Variants in KSR2 observed in about 807,000 individuals in gnomAD.
KSR2 encodes kinase suppressor of ras 2.
Under a neutral mutation model 107.8 loss-of-function variants are expected in KSR2, and 25 were observed. The observed-to-expected ratio is 0.23, with a 90% CI of 0.17 to 0.32. KSR2 has a LOEUF of 0.32. KSR2 is among the 10% of genes least tolerant of loss of function. The pLI is 1.00. For synonymous variants in KSR2, 480 were observed against 507.0 expected (o/e 0.95, Z 0.71); for missense variants, 887 against 1,268.9 (o/e 0.70, Z 4.57).
intron 1 of KSR2, among the ~76,000 whole-genome samples, chr12:117,869,683 C>G (rs1893588967): frequency 6.6e-6 from 1 of 152,252 alleles, no homozygotes; most frequent in Admixed American, 6.5e-5. Context: ...CCCGTTAGTT[C>G]GTACAGATCT....
intron 14 of KSR2, among the ~76,000 whole-genome samples, chr12:117,495,354 G>C (rs1407648583): frequency 6.6e-6 from 1 of 152,162 alleles, no homozygotes; most frequent in African/African-American, 2.4e-5. Flanking sequence ...ATTAAACCTT[G>C]GGACTCTGGG....
At chr12:117,625,427 T>C (rs1371476432) in intron 5 of KSR2, among the ~76,000 whole-genome samples, 1 of 152,206 alleles carries the variant, frequency 6.6e-6, no homozygotes, top group East Asian at 1.9e-4. Flanking sequence ...TGTTGAATTT[T>C]GTCAAAGGCC....
intron 1 of KSR2, among the ~76,000 whole-genome samples, chr12:117,924,803 A>G (rs1895460056): frequency 6.6e-6 from 1 of 152,160 alleles, no homozygotes; most frequent in Non-Finnish European, 1.5e-5. Context: ...TCCCAATTCA[A>G]ACAAGTCAAC....
intron 3 of KSR2, among the ~76,000 whole-genome samples, chr12:117,793,694 T>A (rs1181333465): frequency 1.7e-5 from 2 of 115,796 alleles, no homozygotes; most frequent in Non-Finnish European, 3.5e-5. Flanking sequence ...CATGCACACA[T>A]ACAACATGCA....
intron 3 of KSR2, among the ~76,000 whole-genome samples, chr12:117,829,643 C>T (rs1414135347): frequency 2.0e-5 from 3 of 152,196 alleles, no homozygotes; most frequent in Non-Finnish European, 4.4e-5. Flanking sequence ...CAGAGGTCTA[C>T]AAACATTTTC....
chr12:117,610,824 G>A (rs10444488), intron 5 of KSR2, among the ~76,000 whole-genome samples: 121,940 of 151,054 alleles, frequency 0.81, 49,451 homozygotes, highest in East Asian at 0.97. Flanking sequence ...AGGTAGGTAG[G>A]TAGAGACAGA....
chr12:117,493,353 TAG>T (rs2137159997), intron 14 of KSR2, among the ~76,000 whole-genome samples: 1 of 152,248 alleles, frequency 6.6e-6, no homozygotes, highest in East Asian at 1.9e-4. Context: ...ACTCTCTGGA[TAG>T]AGAGTCTCCC....
At chr12:117,923,478 G>C (rs1188085915) in intron 1 of KSR2, among the ~76,000 whole-genome samples, 1 of 152,094 alleles carries the variant, frequency 6.6e-6, no homozygotes, top group Non-Finnish European at 1.5e-5. Flanking sequence ...CTTGAGGCCA[G>C]GAGTTCAAGA....
intron 5 of KSR2, among the ~76,000 whole-genome samples, chr12:117,645,808 A>T (rs1488749517): frequency 6.6e-6 from 1 of 151,850 alleles, no homozygotes; most frequent in Non-Finnish European, 1.5e-5. Context: ...AACTCTTCTT[A>T]CAATTCCGAA....
At chr12:117,663,130 G>A (rs536969320) in intron 5 of KSR2, among the ~76,000 whole-genome samples, 8 of 152,312 alleles carry the variant, frequency 5.3e-5, no homozygotes, top group African/African-American at 1.2e-4. Context: ...CACTCCCTCC[G>A]TGATGCAAGG....
chr12:117,743,663 A>C (rs970347861), intron 4 of KSR2, among the ~76,000 whole-genome samples: 1 of 152,164 alleles, frequency 6.6e-6, no homozygotes. Context: ...CATTTTTCCA[A>C]GGAAATTTGG....
At chr12:117,923,594 G>A (rs945579281) in intron 1 of KSR2, among the ~76,000 whole-genome samples, 11 of 152,120 alleles carry the variant, frequency 7.2e-5, no homozygotes, top group Non-Finnish European at 1.2e-4. Context: ...GAGCCCAGGA[G>A]GTCAAGGATA....
chr12:117,548,349 C>G (rs1877033193), intron 9 of KSR2, among the ~76,000 whole-genome samples: 2 of 152,138 alleles, frequency 1.3e-5, no homozygotes, highest in Admixed American at 1.3e-4. Flanking sequence ...TTTTCCTCAG[C>G]CTACTCAACA....
intron 4 of KSR2, among the ~76,000 whole-genome samples, chr12:117,731,142 C>T (rs12297507): frequency 0.013 from 1,881 of 141,140 alleles, 37 homozygotes; most frequent in African/African-American, 0.048. Context: ...AGGTGAGGAG[C>T]GTCTCTGCCC....
chr12:117,675,591 C>T (rs542191535), intron 4 of KSR2, among the ~76,000 whole-genome samples: 1 of 152,348 alleles, frequency 6.6e-6, no homozygotes, highest in Non-Finnish European at 1.5e-5. Flanking sequence ...TCACAGAGAT[C>T]GTCAAGGGAA....
intron 1 of KSR2, among the ~76,000 whole-genome samples, chr12:117,901,658 C>A (rs1056890622): frequency 6.6e-6 from 1 of 152,086 alleles, no homozygotes; most frequent in Non-Finnish European, 1.5e-5. Flanking sequence ...TTATGACAAA[C>A]AAAGTATTCA....
intron 5 of KSR2, among the ~76,000 whole-genome samples, chr12:117,627,846 C>T (rs1034469287): frequency 2.6e-5 from 4 of 152,186 alleles, no homozygotes; most frequent in South Asian, 2.1e-4. Context: ...ACCAATCAAA[C>T]GTAGATTTGG....
At chr12:117,867,986 T>C (rs1173575083) in intron 1 of KSR2, among the ~76,000 whole-genome samples, 2 of 152,242 alleles carry the variant, frequency 1.3e-5, no homozygotes, top group Non-Finnish European at 2.9e-5. Flanking sequence ...TTATAAATTC[T>C]TTCTTGGGAC....
At chr12:117,469,494 A>T (rs1181615331) in intron 19 of KSR2, among the ~76,000 whole-genome samples, 168 bp downstream of exon 19, 1 of 152,042 alleles carries the variant, frequency 6.6e-6, no homozygotes, top group East Asian at 1.9e-4. Flanking sequence ...AAACCCCAAA[A>T]CAGACTCCAT....
Sources: allele counts gnomAD v4.1 joint callset (sites outside exome capture counted in the v4.1 genomes callset), GRCh38; gene constraint gnomAD v4.1.1; transcripts MANE v1.5; gene names NCBI Gene and HGNC (gene_info 2026-07-23, HGNC 2026-07-21).